Variants in NNMT observed in about 807,000 individuals in gnomAD.
The protein encoded by NNMT is nicotinamide N-methyltransferase.
In NNMT, 10 loss-of-function variants were observed where a neutral mutation model predicts 11.7. The ratio of observed to expected loss-of-function variants is 0.85; its 90% CI spans 0.53 to 1.45. NNMT has a LOEUF of 1.45. NNMT is among the 40% of genes most tolerant of loss of function. NNMT has a pLI of 0.00. For missense variants in NNMT, 381 were observed against 319.4 expected (o/e 1.19, Z -1.47); for synonymous variants, 143 against 133.8 (o/e 1.07, Z -0.48).
intron 2 of NNMT, 116 bp from the exon 3 acceptor site, chr11:114,311,929 G>A: frequency 2.0e-6 from 2 of 1,014,770 alleles, no homozygotes; most frequent in Non-Finnish European, 2.9e-6. Flanking sequence ...TCCCGATAGA[G>A]GTGGCCCTAA....
chr11:114,311,286 C>A (rs188354764), intron 2 of NNMT, among the ~76,000 whole-genome samples: 1 of 152,160 alleles, frequency 6.6e-6, no homozygotes, highest in Admixed American at 6.6e-5. Flanking sequence ...GCTGTGATGG[C>A]GCCACTGCGC....
intron 2 of NNMT, among the ~76,000 whole-genome samples, chr11:114,290,544 G>T (rs1337530702): frequency 6.6e-6 from 1 of 152,170 alleles, no homozygotes; most frequent in Non-Finnish European, 1.5e-5. Context: ...ATGCAGGGGG[G>T]ATTAATGTGG....
chr11:114,305,668 G>C (rs1346713618), intron 2 of NNMT, among the ~76,000 whole-genome samples: 1 of 152,040 alleles, frequency 6.6e-6, no homozygotes, highest in Non-Finnish European at 1.5e-5. Context: ...TCCCTACAAA[G>C]GACATGAACT....
chr11:114,274,351 G>T (rs1945198687), intron 2 of NNMT, among the ~76,000 whole-genome samples: 1 of 152,260 alleles, frequency 6.6e-6, no homozygotes, highest in Admixed American at 6.5e-5. Context: ...GCTCCTCTCT[G>T]CCTGTGAGTC....
At chr11:114,296,037 A>G (rs1945373233), upstream of NNMT, 1 of 153,138 alleles carries the variant, frequency 6.5e-6, no homozygotes, top group Non-Finnish European at 1.5e-5. Context: ...TACATTTCCT[A>G]TCCTCATCTT....
chr11:114,290,253 C>T (rs1396551327), intron 2 of NNMT, among the ~76,000 whole-genome samples: 11 of 152,166 alleles, frequency 7.2e-5, no homozygotes, highest in African/African-American at 1.4e-4. Flanking sequence ...CATATTTTAA[C>T]TGATGCTTTT....
chr11:114,307,471 C>T (rs1945503125), intron 2 of NNMT, among the ~76,000 whole-genome samples: 1 of 151,696 alleles, frequency 6.6e-6, no homozygotes, highest in Non-Finnish European at 1.5e-5. Flanking sequence ...TCAGCTACCC[C>T]TGTCTCCCTC....
chr11:114,299,409 G>A (rs1237196087), intron 2 of NNMT, among the ~76,000 whole-genome samples: 1 of 152,132 alleles, frequency 6.6e-6, no homozygotes, highest in Non-Finnish European at 1.5e-5. Context: ...GAATTACATT[G>A]GAAAATTTTG....
At chr11:114,259,359 A>T (rs11214917) in intron 1 of NNMT, among the ~76,000 whole-genome samples, 2 of 120,862 alleles carry the variant, frequency 1.7e-5, no homozygotes, top group African/African-American at 7.5e-5. Context: ...GGGGGGGGGG[A>T]GCTCCTGCAT....
intron 2 of NNMT, among the ~76,000 whole-genome samples, chr11:114,290,890 T>G (rs1591833546): frequency 6.6e-6 from 1 of 152,364 alleles, no homozygotes; most frequent in Middle Eastern, 3.4e-3. Context: ...TTCTCTTGTC[T>G]TCTAGCAAGC....
In NNMT at chr11:114,282,475, G is replaced by A. The variant is rs540734024; in HGVS notation, c.-129-13953G>A. 7.2e-5 allele frequency among the ~76,000 whole-genome samples: 11 copies of A among 152,140 alleles called. 1 individual carries two copies. The highest frequency in any genetic ancestry group is 2.2e-4 in the African/African-American group (9 of 41,500). On this transcript the variant is annotated intron_variant, in intron 2 of 4. Coordinates refer to the NNMT transcript ENST00000535401. Reference sequence around the variant, plus strand: ...ATATGACCAGGAAATGTATAGAAGAGGAAACTCCAAAAGCTAGCAAGCATT... The same window carrying A: ...ATATGACCAGGAAATGTATAGAAGAAGAAACTCCAAAAGCTAGCAAGCATT...
intron 2 of NNMT, among the ~76,000 whole-genome samples, chr11:114,287,713 T>C (rs753812030): frequency 1.3e-5 from 2 of 152,212 alleles, no homozygotes; most frequent in Non-Finnish European, 2.9e-5. Context: ...TAAGAGTAAC[T>C]ACTCTTGGCC....
At chr11:114,311,994 G>T in intron 2 of NNMT, 51 bp from the exon 3 acceptor site, 2 of 1,516,324 alleles carry the variant, frequency 1.3e-6, no homozygotes, top group Non-Finnish European at 1.8e-6. Context: ...AGAGATCTGG[G>T]TTCCCCATGA....
chr11:114,278,744 G>A (rs1280429755), intron 2 of NNMT, among the ~76,000 whole-genome samples: 3 of 152,176 alleles, frequency 2.0e-5, no homozygotes, highest in Non-Finnish European at 4.4e-5. Context: ...GATGAATGAG[G>A]TTGTATCCCA....
rs564650067 is a variant in NNMT at position 114,267,080 on chromosome 11, C to T, written c.-130+4146C>T. On this transcript the variant is annotated intron_variant, in intron 2 of 4. Coordinates refer to the NNMT transcript ENST00000535401. ...AGGAGTTCGAGACCAGCCTGGCCAA[C>T]ATGGTGAAACCCCATCTCTACTAAA... Among the ~76,000 whole-genome samples, 24 of 152,252 alleles carry T rather than the reference C, an allele frequency of 1.6e-4. No homozygotes were observed. In the East Asian group the frequency reaches 3.9e-3, roughly 24 times the overall value.
At chr11:114,297,920 T>C (rs2135271908) in intron 1 of NNMT, 31 bp from the exon 2 acceptor site, 1 of 1,596,898 alleles carries the variant, frequency 6.3e-7, no homozygotes, top group Non-Finnish European at 8.6e-7. Flanking sequence ...AGATGCCTGA[T>C]CTCTCCTCTT....
chr11:114,260,076 A>G (rs1471133950), intron 1 of NNMT, among the ~76,000 whole-genome samples: 1 of 152,136 alleles, frequency 6.6e-6, no homozygotes, highest in Non-Finnish European at 1.5e-5. Context: ...CATACAACAC[A>G]CAACAGCTCA....
At chr11:114,302,032 C>T (rs962319114) in intron 2 of NNMT, among the ~76,000 whole-genome samples, 11 of 152,042 alleles carry the variant, frequency 7.2e-5, no homozygotes, top group African/African-American at 2.4e-4. Context: ...AACTAATATA[C>T]ATGATATATC....
chr11:114,279,399 C>T (rs988852166), intron 2 of NNMT, among the ~76,000 whole-genome samples: 1 of 152,144 alleles, frequency 6.6e-6, no homozygotes, highest in Non-Finnish European at 1.5e-5. Context: ...GAGAAGACTT[C>T]ATGGAGGAAG....
Sources: gnomAD v4.1 joint callset for allele counts (sites outside exome capture counted in the v4.1 genomes callset) on GRCh38, gnomAD v4.1.1 for gene constraint, MANE v1.5 for transcripts, NCBI Gene and HGNC (gene_info 2026-07-23, HGNC 2026-07-21) for gene names.